The following TNFRSF13C variants were observed in gnomAD, a reference collection of about 807,000 sequenced individuals.
TNFRSF13C encodes the protein tumor necrosis factor receptor superfamily member 13C.
In TNFRSF13C, 7 loss-of-function variants were observed where a neutral mutation model predicts 12.1. The ratio of observed to expected loss-of-function variants is 0.58; its 90% CI spans 0.33 to 1.08. The LOEUF is 1.08. Ranked by LOEUF, TNFRSF13C falls within the 50% of genes least tolerant of loss-of-function variation. The pLI is 0.04. For synonymous variants in TNFRSF13C, 157 were observed against 130.8 expected (o/e 1.20, Z -1.37); for missense variants, 260 against 265.9 (o/e 0.98, Z 0.15).
In TNFRSF13C at chr22:41,926,466, G is replaced by T; in HGVS notation, c.137-135C>A. 4 of 1,100,280 alleles carry T rather than the reference G, an allele frequency of 3.6e-6. No homozygotes were observed. Among genetic ancestry groups the T allele is most frequent in the East Asian group, 3.2e-5 (1 of 30,792 alleles). The allele number at this position is 1,100,280 out of a possible 1,614,324, so 68.2% of individuals were successfully genotyped here. A position where few individuals can be genotyped will look rare whatever the true frequency, so the allele number is the denominator to read the frequency against. On this transcript the variant is annotated intron_variant, in intron 1 of 2. Transcript: ENST00000291232. The surrounding 1 kb of genome is among the most constrained non-coding windows in gnomAD (Gnocchi z 4.9). Reference sequence around the variant, plus strand: ...GGGGGGCGGTGGACAAGGGGAGGGAGAGAGGCGGCGGTGAGGGCCACGCGG... The same window carrying T: ...GGGGGGCGGTGGACAAGGGGAGGGATAGAGGCGGCGGTGAGGGCCACGCGG...
In TNFRSF13C at chr22:41,925,440, A is replaced by T; in HGVS notation, c.482T>A (p.Val161Asp). 5 of 1,611,890 alleles carry T rather than the reference A, an allele frequency of 3.1e-6. No individual in the cohort carries two copies. The highest frequency in any genetic ancestry group is 4.2e-6 in the Non-Finnish European group (5 of 1,179,938). ...GCCCAGCTCTGTGGCTGGCACAGGG[A>T]CACTGTGGCCAGGTGGGGTGGTTCC... Reference protein sequence around the residue: ...DPGTTPPGHSVPVPATELGST... With the variant: ...DPGTTPPGHSDPVPATELGST... The change falls in exon 3 of 3, where the codon GTC becomes GAC. Residue 161 changes from valine to aspartate, a missense_variant. By Grantham distance (152) the Val-to-Asp change is radical. Coordinates refer to ENST00000291232, the MANE Select transcript of TNFRSF13C (RefSeq NM_052945.4).
chr22:41,922,533 G>A lies in TNFRSF13C; in HGVS notation c.*2834C>T, dbSNP rs1205969812. 6.6e-6 allele frequency: 1 copy of A among 152,140 alleles called. No individual in the cohort carries two copies. The allele number at this position is 152,140 out of a possible 1,614,324, so 9.4% of individuals were successfully genotyped here. A position where few individuals can be genotyped will look rare whatever the true frequency, so the allele number is the denominator to read the frequency against. On this transcript the variant is annotated 3_prime_UTR_variant, in exon 3 of 3. Coordinates refer to ENST00000291232, the MANE Select transcript of TNFRSF13C (RefSeq NM_052945.4). ...CCTACCGGCTGGCGGGGCCAGCTGG[G>A]ACAGAGAGATGCCCAAGGTTTGCAT...
At position 41,926,421 on chromosome 22, in the gene TNFRSF13C, C is replaced by G. The variant is rs1407972358; in HGVS notation, c.137-90G>C. 4.7e-3 allele frequency: 705 copies of G among 150,162 alleles called. No homozygotes were observed. The highest frequency in any genetic ancestry group is 0.012 in the South Asian group (74 of 5,964). 9.3% of individuals were successfully genotyped at this position (150,162 alleles called of 1,614,324 possible). A position where few individuals can be genotyped will look rare whatever the true frequency, so the allele number is the denominator to read the frequency against. ...AGGGGCGGAGGGGGGCGAGGCTGGCCGGGGAGGGGAGGGACAGCCGGGGGG... is the reference window on the plus strand; with the variant it reads ...AGGGGCGGAGGGGGGCGAGGCTGGCGGGGGAGGGGAGGGACAGCCGGGGGG... On this transcript the variant is annotated intron_variant, in intron 1 of 2. Coordinates refer to ENST00000291232, the MANE Select transcript of TNFRSF13C (RefSeq NM_052945.4). The surrounding 1 kb of genome is among the most constrained non-coding windows in gnomAD (Gnocchi z 4.9).
chr22:41,926,373 G>C lies in TNFRSF13C; in HGVS notation c.137-42C>G. On this transcript the variant is annotated intron_variant, in intron 1 of 2. Coordinates refer to ENST00000291232, the MANE Select transcript of TNFRSF13C (RefSeq NM_052945.4). The surrounding 1 kb of genome is among the most constrained non-coding windows in gnomAD (Gnocchi z 4.9). ...CAGGGAGGGAGGCCAGGGGGCCGAG[G>C]GGAGGGAGGAGCGGGGACGGGGAGG... The C allele has an allele frequency of 3.0e-6, 4 of 1,347,872 alleles. No homozygotes were observed. The highest frequency in any genetic ancestry group is 3.8e-6 in the Non-Finnish European group (4 of 1,056,622). 83.5% of individuals were successfully genotyped at this position (1,347,872 alleles called of 1,614,324 possible). A position where few individuals can be genotyped will look rare whatever the true frequency, so the allele number is the denominator to read the frequency against.
In TNFRSF13C at chr22:41,922,661, AAGATGGGGTGGGGG is replaced by A. The variant is rs922408544; in HGVS notation, c.*2692_*2705del. The A allele has an allele frequency of 2.0e-5, 3 of 147,622 alleles. No individual in the cohort carries two copies. The highest frequency in any genetic ancestry group is 1.3e-4 in the Admixed American group (2 of 14,834). The allele number at this position is 147,622 out of a possible 1,614,324, so 9.1% of individuals were successfully genotyped here. On this transcript the variant is annotated 3_prime_UTR_variant, in exon 3 of 3. Transcript: ENST00000291232. ...GGTGGGAGATGGGGGTGTCCAGGAG[AAGATGGGGTGGGGG>A]AGATGGGGTGGCCAGGAGAAGATGG... is the stretch of plus-strand genomic sequence containing the variant.
At position 41,922,389 on chromosome 22, in the gene TNFRSF13C, A is replaced by T. The variant is rs894411320; in HGVS notation, c.*2978T>A. The T allele has an allele frequency of 6.6e-6, 1 of 152,242 alleles. No homozygotes were observed. Among genetic ancestry groups the T allele is most frequent in the African/African-American group, 2.4e-5 (1 of 41,460 alleles). 9.4% of individuals were successfully genotyped at this position (152,242 alleles called of 1,614,324 possible). On this transcript the variant is annotated 3_prime_UTR_variant, in exon 3 of 3. Transcript: ENST00000291232. The stretch of plus-strand genomic sequence containing the variant: ...CTCAGTTTCCTCGTCTGTTAAATGC[A>T]TATGAGAATTATCTAAGGTTCCTTC...
rs201071589 is a variant in TNFRSF13C, at chr22:41,925,580, C to T, written c.368-26G>A. On this transcript the variant is annotated intron_variant, in intron 2 of 2. Transcript: ENST00000291232. ...CTGCAGGCAGAGGGGGTAGAGGCTC[C>T]GTACTCAGTCACAGCCTTCCCTCCC... The T allele has an allele frequency of 6.0e-5, 96 of 1,609,446 alleles. 1 individual carries two copies. In the Admixed American group the frequency reaches 9.8e-4, roughly 16 times the overall value.
chr22:41,925,247 A>G lies in TNFRSF13C; in HGVS notation c.*120T>C, dbSNP rs7290134. ...GTCTGTAGTGTCTGTGCTTCTGCAG[A>G]GTTAGCCTGGTCCCAGAAAGAGGGC... On this transcript the variant is annotated 3_prime_UTR_variant, in exon 3 of 3. Coordinates refer to ENST00000291232, the MANE Select transcript of TNFRSF13C (RefSeq NM_052945.4). The G allele has an allele frequency of 0.27, 303,319 of 1,103,354 alleles. 55,350 individuals are homozygous for G. The highest frequency in any genetic ancestry group is 0.83 in the African/African-American group (52,482 of 63,600). The allele number at this position is 1,103,354 out of a possible 1,614,324, so 68.3% of individuals were successfully genotyped here.
rs750334567 is a variant in TNFRSF13C, at chr22:41,924,949, C to CAAAAAAAAAAAAAAAAAAAAAAAA, written c.*394_*417dup. 4.4e-5 allele frequency: 2 copies of CAAAAAAAAAAAAAAAAAAAAAAAA among 45,318 alleles called. No individual in the cohort carries two copies. The highest frequency in any genetic ancestry group is 2.9e-4 in the Admixed American group (1 of 3,484). 2.8% of individuals were successfully genotyped at this position (45,318 alleles called of 1,614,324 possible). ...CCTGGCGACAGAGCAAGACTCGTCT[C>CAAAAAAAAAAAAAAAAAAAAAAAA]AAAAAAAAAAAAAAAAAAAAAAAAA... On this transcript the variant is annotated 3_prime_UTR_variant, in exon 3 of 3. Coordinates refer to ENST00000291232, the MANE Select transcript of TNFRSF13C (RefSeq NM_052945.4).
In TNFRSF13C at chr22:41,925,544, G is replaced by A; in HGVS notation, c.378C>T (p.Pro126=). Residue 126 remains proline, a synonymous_variant, in exon 3 of 3, where the codon CCC becomes CCT. Coordinates refer to ENST00000291232, the MANE Select transcript of TNFRSF13C (RefSeq NM_052945.4). ...GAGACAGAATGATGACCTTGTCCAG[G>A]GGCTCTGGGGCTGCAGGCAGAGGGG... The part of the protein sequence containing the change: ...APDGDKDAPE[P]LDKVIILSPG... 5.0e-6 allele frequency: 8 copies of A among 1,612,816 alleles called. No individual in the cohort carries two copies. The highest frequency in any genetic ancestry group is 6.8e-6 in the Non-Finnish European group (8 of 1,179,980).
rs1390053358 is a variant in TNFRSF13C, at chr22:41,923,928, T to C, written c.*1439A>G. On this transcript the variant is annotated 3_prime_UTR_variant, in exon 3 of 3. Transcript: ENST00000291232. ...ACCCTGGGGTACAGATACCTGAGAA[T>C]CAGCAAAATCCAGCTCAATCTTTTC... 1 of 152,224 alleles carries C rather than the reference T, an allele frequency of 6.6e-6. No homozygotes were observed. The highest frequency in any genetic ancestry group is 1.5e-5 in the Non-Finnish European group (1 of 68,046). 9.4% of individuals were successfully genotyped at this position (152,224 alleles called of 1,614,324 possible). A position where few individuals can be genotyped will look rare whatever the true frequency, so the allele number is the denominator to read the frequency against.
Position 41,923,228 on chromosome 22 carries a change from A to G in TNFRSF13C, c.*2139T>C, listed in dbSNP as rs1346007902. 1 of 154,888 alleles carries G rather than the reference A, an allele frequency of 6.5e-6. No homozygotes were observed. Among genetic ancestry groups the G allele is most frequent in the African/African-American group, 2.4e-5 (1 of 41,506 alleles). The allele number at this position is 154,888 out of a possible 1,614,324, so 9.6% of individuals were successfully genotyped here. On this transcript the variant is annotated 3_prime_UTR_variant, in exon 3 of 3. Transcript: ENST00000291232. ...AAACATCTGATGCACAGAACAGAAC[A>G]TGCCCAGGGCCCAAGAGTGGGAAAA...
rs535548849 is a variant in TNFRSF13C at position 41,925,308 on chromosome 22, C to A, written c.*59G>T. 6.0e-4 allele frequency: 917 copies of A among 1,520,450 alleles called. 14 individuals are homozygous for A. The South Asian group carries it at 0.01, about 17-fold the overall frequency. 94.2% of individuals were successfully genotyped at this position (1,520,450 alleles called of 1,614,324 possible). ...TGGAGTGAAGAGCTGAATTTGATTT[C>A]CAAGCCCCTGGCTGGGGGTCCAGAG... On this transcript the variant is annotated 3_prime_UTR_variant, in exon 3 of 3. Transcript: ENST00000291232.
chr22:41,925,716 GA>G (rs2077625531), intron 2 of TNFRSF13C, among the ~76,000 whole-genome samples, 162 bp from the exon 3 acceptor site: 1 of 152,140 alleles, frequency 6.6e-6, no homozygotes, highest in Admixed American at 6.5e-5. Context: ...GGCCAGTGGG[GA>G]GCTGGCAGGG....
rs932611095 is a variant in TNFRSF13C, at chr22:41,926,779, C to G, written c.-6G>C. Reference sequence around the variant, plus strand: ...CTCCGGGGCCCTCGCCTCATGGTGCCGACGCCGCCGCACAAGCTGCGGGGA... The same window carrying G: ...CTCCGGGGCCCTCGCCTCATGGTGCGGACGCCGCCGCACAAGCTGCGGGGA... On this transcript the variant is annotated 5_prime_UTR_variant, in exon 1 of 3. Transcript: ENST00000291232. This position sits in a 1 kb window ranked among gnomAD's most constrained non-coding sequence, Gnocchi z 4.9. 6.1e-6 allele frequency: 8 copies of G among 1,321,272 alleles called. No individual in the cohort carries two copies. The highest frequency in any genetic ancestry group is 1.5e-5 in the African/African-American group (1 of 64,720). The allele number at this position is 1,321,272 out of a possible 1,614,324, so 81.8% of individuals were successfully genotyped here.
At position 41,926,544 on chromosome 22, in the gene TNFRSF13C, C is replaced by A. The variant is rs2077633218; in HGVS notation, c.136+94G>T. On this transcript the variant is annotated intron_variant, in intron 1 of 2. Coordinates refer to ENST00000291232, the MANE Select transcript of TNFRSF13C (RefSeq NM_052945.4). This position sits in a 1 kb window ranked among gnomAD's most constrained non-coding sequence, Gnocchi z 4.9. ...CACAGGGTCCTTTCAGCCCTCGGCG[C>A]CCCCGGGGGTCGGGGCTCTGCCTGC... The A allele has an allele frequency of 2.3e-6, 3 of 1,306,860 alleles. No individual in the cohort carries two copies. The highest frequency in any genetic ancestry group is 2.9e-6 in the Non-Finnish European group (3 of 1,027,116). 81.0% of individuals were successfully genotyped at this position (1,306,860 alleles called of 1,614,324 possible). A position where few individuals can be genotyped will look rare whatever the true frequency, so the allele number is the denominator to read the frequency against.
Position 41,926,098 on chromosome 22 carries a change from C to T in TNFRSF13C, c.367+3G>A. On this transcript the variant is annotated splice_donor_region_variant and intron_variant, in intron 2 of 2. Coordinates refer to ENST00000291232, the MANE Select transcript of TNFRSF13C (RefSeq NM_052945.4). This position sits in a 1 kb window ranked among gnomAD's most constrained non-coding sequence, Gnocchi z 4.9. Reference sequence around the variant, plus strand: ...GACTGGTTCCCCTACACACGGAACTCACCGTCCTTGTCTCCGTCGGGGGCC... The same window carrying T: ...GACTGGTTCCCCTACACACGGAACTTACCGTCCTTGTCTCCGTCGGGGGCC... 6.2e-7 allele frequency: 1 copy of T among 1,612,564 alleles called. No individual in the cohort carries two copies. Among genetic ancestry groups the T allele is most frequent in the East Asian group, 2.2e-5 (1 of 44,874 alleles).
At position 41,925,753 on chromosome 22, in the gene TNFRSF13C, G is replaced by C. The variant is rs55898132; in HGVS notation, c.368-199C>G. 0.058 allele frequency among the ~76,000 whole-genome samples: 8,830 copies of C among 152,192 alleles called. 300 individuals are homozygous for C. The highest frequency in any genetic ancestry group is 0.079 in the Non-Finnish European group (5,360 of 67,972). The stretch of plus-strand genomic sequence containing the variant: ...CAGGGAGTTGGGGAGCTGGGGCTCA[G>C]TCTGGCAAACTCTTCAGGGATTTAT... On this transcript the variant is annotated intron_variant, in intron 2 of 2. Transcript: ENST00000291232.
Position 41,926,010 on chromosome 22 carries a change from C to T in TNFRSF13C, c.367+91G>A. The T allele has an allele frequency of 2.0e-6, 3 of 1,527,722 alleles. No homozygotes were observed. Among genetic ancestry groups the T allele is most frequent in the Admixed American group, 1.8e-5 (1 of 56,370 alleles). 94.6% of individuals were successfully genotyped at this position (1,527,722 alleles called of 1,614,324 possible). A position where few individuals can be genotyped will look rare whatever the true frequency, so the allele number is the denominator to read the frequency against. ...GTTTCCCCTTAAAGCCCTTCTCTCC[C>T]CCTCAGGGGCCATGCATCTCCCCCT... On this transcript the variant is annotated intron_variant, in intron 2 of 2. Transcript: ENST00000291232. This position sits in a 1 kb window ranked among gnomAD's most constrained non-coding sequence, Gnocchi z 4.9.
Sources: gnomAD v4.1 joint callset for allele counts (sites outside exome capture counted in the v4.1 genomes callset) on GRCh38, gnomAD v4.1.1 for gene constraint, Gnocchi (gnomAD v3.1) non-coding constraint, MANE v1.5 for transcripts, NCBI Gene and HGNC (gene_info 2026-07-23, HGNC 2026-07-21) for gene names.